The following DMD variants were observed in gnomAD, a reference collection of about 807,000 sequenced individuals.
DMD encodes the protein mutant dystrophin.
A neutral mutation model predicts 330.1 loss-of-function variants in DMD; 63 were observed. That is an observed-to-expected ratio of 0.19 (90% CI 0.16 to 0.24). DMD has a LOEUF of 0.24. DMD is among the 10% of genes least tolerant of loss of function. DMD has a pLI of 1.00. For missense variants in DMD, 3,344 were observed against 2,684.1 expected (o/e 1.25, Z -5.43); for synonymous variants, 1,223 against 959.8 (o/e 1.27, Z -5.07).
At chrX:33,238,199 T>C (rs983402502) in intron 1 of DMD, among the ~76,000 whole-genome samples, 2 of 112,176 alleles carry the variant, frequency 1.8e-5, no homozygotes, top group Admixed American at 1.9e-4. Context: ...AAGGGTACTC[T>C]TGAATTCATT....
chrX:31,255,769 CTTTTT>C (rs146884145), intron 63 of DMD, among the ~76,000 whole-genome samples: 3 of 50,818 alleles, frequency 5.9e-5, no homozygotes, highest in South Asian at 1.1e-3. Context: ...AATATCGTTA[CTTTTT>C]TTTTTTTTTT....
intron 44 of DMD, among the ~76,000 whole-genome samples, chrX:32,086,797 A>T (rs978323376): frequency 1.8e-5 from 2 of 111,839 alleles, no homozygotes; most frequent in African/African-American, 6.5e-5. Context: ...ACCAAAAAAG[A>T]AACACTTCCA....
chrX:33,036,955 T>G (rs2094214496), intron 1 of DMD, among the ~76,000 whole-genome samples: 1 of 111,019 alleles, frequency 9.0e-6, no homozygotes, highest in Non-Finnish European at 1.9e-5. Context: ...CATGGTCTGC[T>G]ACATGAGGAA....
At chrX:31,933,032 G>C (rs1013797322) in intron 45 of DMD, among the ~76,000 whole-genome samples, 2 of 111,447 alleles carry the variant, frequency 1.8e-5, no homozygotes, top group Non-Finnish European at 3.8e-5. Flanking sequence ...CAAATATGCT[G>C]GGGGGTTGGG....
intron 7 of DMD, among the ~76,000 whole-genome samples, chrX:32,770,772 T>C (rs1267017298): frequency 9.0e-6 from 1 of 111,722 alleles, no homozygotes; most frequent in Non-Finnish European, 1.9e-5. Flanking sequence ...GAAGCTTAAA[T>C]TCTAGGACTA....
chrX:32,466,571 G>A (rs923706858), intron 23 of DMD, among the ~76,000 whole-genome samples: 9 of 111,061 alleles, frequency 8.1e-5, no homozygotes, highest in African/African-American at 2.9e-4. Context: ...GATTATACTG[G>A]ATCATCCACC....
At chrX:32,778,778 C>A (rs67381029) in intron 7 of DMD, among the ~76,000 whole-genome samples, 9,215 of 111,052 alleles carry the variant, frequency 0.083, 965 homozygotes, top group African/African-American at 0.29. Context: ...TTAAGCATTC[C>A]GGTGACTACA....
At chrX:31,845,196 T>C (rs2168861) in intron 48 of DMD, among the ~76,000 whole-genome samples, 44,377 of 109,445 alleles carry the variant, frequency 0.41, 7,169 homozygotes, top group African/African-American at 0.58. Context: ...GGAAATGGAA[T>C]GAAGTGAAGA....
chrX:32,102,491 A>G (rs2096544750), intron 44 of DMD, among the ~76,000 whole-genome samples: 1 of 111,669 alleles, frequency 9.0e-6, no homozygotes, highest in Non-Finnish European at 1.9e-5. Flanking sequence ...AAAAAGTCAC[A>G]TATTTAAATG....
At chrX:31,178,549 T>A in intron 70 of DMD, 120 bp downstream of exon 70, 1 of 1,053,099 alleles carries the variant, frequency 9.5e-7, no homozygotes, top group Non-Finnish European at 1.2e-6. Context: ...TCAGCTAATG[T>A]AAATAAAAAG....
At chrX:31,188,375 T>C (rs777172354) in intron 67 of DMD, among the ~76,000 whole-genome samples, 4 of 112,034 alleles carry the variant, frequency 3.6e-5, no homozygotes, top group Admixed American at 9.5e-5. Flanking sequence ...TAGGGATAGA[T>C]TGGAATAGCA....
intron 13 of DMD, among the ~76,000 whole-genome samples, chrX:32,579,837 G>T (rs2053460887): frequency 8.9e-6 from 1 of 112,587 alleles, no homozygotes; most frequent in African/African-American, 3.2e-5. Context: ...CTTTGCAATT[G>T]TGCTGAAAGT....
chrX:31,899,723 A>G (rs903284222), intron 47 of DMD, among the ~76,000 whole-genome samples: 2 of 111,236 alleles, frequency 1.8e-5, no homozygotes, highest in Non-Finnish European at 3.8e-5. Context: ...AGCAGAATCA[A>G]TTGGGTAGGA....
At chrX:31,754,479 AAGAG>A (rs1189567115) in intron 51 of DMD, among the ~76,000 whole-genome samples, 2 of 110,486 alleles carry the variant, frequency 1.8e-5, no homozygotes, top group East Asian at 5.7e-4. Context: ...GACTCATTAA[AAGAG>A]AGAGAGAGAG....
At chrX:33,297,603 G>T (rs760844201) in intron 1 of DMD, among the ~76,000 whole-genome samples, 1 of 110,939 alleles carries the variant, frequency 9.0e-6, no homozygotes, top group Non-Finnish European at 1.9e-5. Context: ...GTGGATGTAT[G>T]GATGAATAAA....
chrX:32,042,909 T>C (rs1342426924), intron 44 of DMD, among the ~76,000 whole-genome samples: 2 of 112,378 alleles, frequency 1.8e-5, no homozygotes, highest in Non-Finnish European at 3.8e-5. Flanking sequence ...TGTTCTAAGA[T>C]GTTAGAAAAA....
chrX:31,518,065 T>A (rs2072413055), intron 55 of DMD, among the ~76,000 whole-genome samples: 1 of 110,237 alleles, frequency 9.1e-6, no homozygotes, highest in Non-Finnish European at 1.9e-5. Context: ...CCACCTAAAA[T>A]ATACCCTATC....
intron 54 of DMD, among the ~76,000 whole-genome samples, chrX:31,633,755 G>C (rs1443824169): frequency 9.8e-5 from 11 of 112,068 alleles, no homozygotes. Flanking sequence ...TCTCAAAATA[G>C]AGTGATGGAT....
intron 2 of DMD, among the ~76,000 whole-genome samples, chrX:33,008,925 C>CTTGT (rs1557204330): frequency 1.3e-5 from 1 of 78,973 alleles, no homozygotes; most frequent in African/African-American, 4.3e-5. Context: ...TGTATATATA[C>CTTGT]ATGTATATAT....
Sources: allele counts gnomAD v4.1 joint callset (sites outside exome capture counted in the v4.1 genomes callset), GRCh38; gene constraint gnomAD v4.1.1; transcripts MANE v1.5; gene names NCBI Gene and HGNC (gene_info 2026-07-23, HGNC 2026-07-21).